GMDS: variants seen among roughly 807,000 people sequenced by gnomAD.
GMDS encodes GDP-mannose 4,6-dehydratase.
Under a neutral mutation model 49.9 loss-of-function variants are expected in GMDS, and 20 were observed. The observed-to-expected ratio is 0.40, with a 90% CI of 0.28 to 0.58. The LOEUF (loss-of-function observed/expected upper bound fraction) is 0.58. Among genes scored for constraint, GMDS ranks in the 20% least tolerant of loss-of-function variants. The probability of loss-of-function intolerance (pLI) is 0.42; values close to 1 mark genes in which losing one functional copy is unlikely to be tolerated. For synonymous variants in GMDS, 177 were observed against 178.6 expected (o/e 0.99, Z 0.07); for missense variants, 362 against 481.4 (o/e 0.75, Z 2.32).
rs990062466 is a variant in GMDS at position 1,770,222 on chromosome 6, C to T, written c.772-27636G>A. Among the ~76,000 whole-genome samples the T allele has an allele frequency of 4.6e-5, 7 of 152,244 alleles. No individual in the cohort carries two copies. In the South Asian group the frequency reaches 1.2e-3, roughly 27 times the overall value. On this transcript the variant is annotated intron_variant, in intron 7 of 10. Coordinates refer to ENST00000380815, the MANE Select transcript of GMDS (RefSeq NM_001500.4). ...CTGCACACATGTGTGAGCCAACACACGAACACATTTTTACCTACGACTTGA... is the reference window on the plus strand; with the variant it reads ...CTGCACACATGTGTGAGCCAACACATGAACACATTTTTACCTACGACTTGA...
In GMDS at chr6:1,630,374, G is replaced by A. The variant is rs527251766; in HGVS notation, c.988-5834C>T. 3.7e-3 allele frequency among the ~76,000 whole-genome samples: 557 copies of A among 152,336 alleles called. 6 individuals carry two copies. The highest frequency in any genetic ancestry group is 0.011 in the African/African-American group (477 of 41,586). Reference sequence around the variant, plus strand: ...GTTCCTTTCCCCAGACCAGGCGGTTGCCCTGGCTGTGTCCGCCTGCCCATT... The same window carrying A: ...GTTCCTTTCCCCAGACCAGGCGGTTACCCTGGCTGTGTCCGCCTGCCCATT... On this transcript the variant is annotated intron_variant, in intron 9 of 10. Coordinates refer to ENST00000380815, the MANE Select transcript of GMDS (RefSeq NM_001500.4).
At chr6:1,995,234 T>G (rs551783238) in intron 4 of GMDS, among the ~76,000 whole-genome samples, 1 of 152,052 alleles carries the variant, frequency 6.6e-6, no homozygotes, top group African/African-American at 2.4e-5. Context: ...TCGTTTACAG[T>G]GGGGTACAAG....
chr6:1,949,730 A>G (rs1763249734), intron 6 of GMDS, among the ~76,000 whole-genome samples: 1 of 152,202 alleles, frequency 6.6e-6, no homozygotes, highest in Non-Finnish European at 1.5e-5. Context: ...TTTGTGCCCC[A>G]ACCAGAAAGG....
chr6:2,100,091 C>G (rs1407512984), intron 4 of GMDS, among the ~76,000 whole-genome samples: 1 of 152,022 alleles, frequency 6.6e-6, no homozygotes, highest in Non-Finnish European at 1.5e-5. Context: ...GTGTCTTCCT[C>G]ACAGGTTTGT....
intron 7 of GMDS, among the ~76,000 whole-genome samples, chr6:1,757,013 C>A (rs1767976774): frequency 6.6e-6 from 1 of 152,064 alleles, no homozygotes; most frequent in Non-Finnish European, 1.5e-5. Context: ...GGAGGGGTTA[C>A]CGTAGCCATC....
chr6:2,160,128 C>G (rs1256564459), intron 1 of GMDS, among the ~76,000 whole-genome samples: 2 of 152,152 alleles, frequency 1.3e-5, no homozygotes. Context: ...ACATAAACTT[C>G]TCCCCCATTA....
At chr6:1,916,548 G>A (rs1359528023) in intron 7 of GMDS, among the ~76,000 whole-genome samples, 1 of 151,888 alleles carries the variant, frequency 6.6e-6, no homozygotes, top group Non-Finnish European at 1.5e-5. Flanking sequence ...GAAAGAGAGA[G>A]AGACGAAAAA....
At chr6:1,705,502 T>A (rs1305675531) in intron 9 of GMDS, among the ~76,000 whole-genome samples, 15 of 152,196 alleles carry the variant, frequency 9.9e-5, no homozygotes, top group Admixed American at 9.8e-4. Context: ...AACGTGAATA[T>A]TCCTTCAGCA....
In GMDS at chr6:2,091,455, C is replaced by T. The variant is rs148442828; in HGVS notation, c.345+24316G>A. On this transcript the variant is annotated intron_variant, in intron 4 of 10. Coordinates refer to ENST00000380815, the MANE Select transcript of GMDS (RefSeq NM_001500.4). ...GGACAATGGAACAGTTTGATACGGT[C>T]ACCAATACAGACTCATACTTTTAGT... 4.3e-3 allele frequency among the ~76,000 whole-genome samples: 660 copies of T among 152,272 alleles called. 9 individuals are homozygous for T. The highest frequency in any genetic ancestry group is 0.037 in the Middle Eastern group (11 of 294).
At chr6:1,670,480 G>T (rs1169256536) in intron 9 of GMDS, among the ~76,000 whole-genome samples, 1 of 151,160 alleles carries the variant, frequency 6.6e-6, no homozygotes, top group Non-Finnish European at 1.5e-5. Context: ...GAGGACTCAT[G>T]AACGGTAACT....
chr6:1,960,590 G>A (rs1257868602), intron 5 of GMDS, among the ~76,000 whole-genome samples, 184 bp downstream of exon 5: 1 of 152,160 alleles, frequency 6.6e-6, no homozygotes, highest in Non-Finnish European at 1.5e-5. Context: ...GCAAATACTT[G>A]TAGTTAGCAA....
chr6:1,785,523 C>T (rs1398310986), intron 7 of GMDS, among the ~76,000 whole-genome samples: 3 of 152,176 alleles, frequency 2.0e-5, no homozygotes, highest in Non-Finnish European at 4.4e-5. Context: ...CAGTGCTGAC[C>T]TCCAGGCCCT....
intron 7 of GMDS, among the ~76,000 whole-genome samples, chr6:1,756,605 T>C (rs1157479533): frequency 6.6e-6 from 1 of 152,148 alleles, no homozygotes. Flanking sequence ...TGATTCAGTG[T>C]GCAGGAACTC....
intron 4 of GMDS, among the ~76,000 whole-genome samples, chr6:1,993,371 C>T (rs994058695): frequency 6.6e-6 from 1 of 152,138 alleles, no homozygotes; most frequent in African/African-American, 2.4e-5. Context: ...ACATTATCAG[C>T]TGCAATAGAA....
At position 1,912,110 on chromosome 6, in the gene GMDS, A is replaced by C. The variant is rs552647766; in HGVS notation, c.771+17993T>G. Among the ~76,000 whole-genome samples the C allele has an allele frequency of 1.8e-3, 272 of 152,334 alleles. 1 individual carries two copies. Among genetic ancestry groups the C allele is most frequent in the African/African-American group, 6.2e-3 (259 of 41,578 alleles). ...GCTGGGCATGGTGGCTCACTTCTCCAATCCCAGCACTTTGGGAGGCTGAGG... is the reference window on the plus strand; with the variant it reads ...GCTGGGCATGGTGGCTCACTTCTCCCATCCCAGCACTTTGGGAGGCTGAGG... On this transcript the variant is annotated intron_variant, in intron 7 of 10. Coordinates refer to ENST00000380815, the MANE Select transcript of GMDS (RefSeq NM_001500.4).
chr6:1,764,090 C>T (rs3800043), intron 7 of GMDS, among the ~76,000 whole-genome samples: 49,963 of 150,498 alleles, frequency 0.33, 8,934 homozygotes, highest in Admixed American at 0.42. Context: ...AGTGAAGGAG[C>T]GAAGAAAAAA....
chr6:2,191,336 T>C lies in GMDS; in HGVS notation c.102+53985A>G, dbSNP rs113304929. ...ACGGGGGAGCTCACAGTGATGTCCCTGGACACCAGCCCAGGCCCAGCAAGG... is the reference window on the plus strand; with the variant it reads ...ACGGGGGAGCTCACAGTGATGTCCCCGGACACCAGCCCAGGCCCAGCAAGG... On this transcript the variant is annotated intron_variant, in intron 1 of 10. Transcript: ENST00000380815. This position sits in a 1 kb window ranked among gnomAD's most constrained non-coding sequence, Gnocchi z 4.6. 0.016 allele frequency among the ~76,000 whole-genome samples: 2,480 copies of C among 152,200 alleles called. 64 individuals are homozygous for C. The highest frequency in any genetic ancestry group is 0.056 in the African/African-American group (2,335 of 41,532).
intron 7 of GMDS, among the ~76,000 whole-genome samples, chr6:1,824,329 C>T (rs920018565): frequency 2.0e-5 from 3 of 152,178 alleles, no homozygotes; most frequent in African/African-American, 7.2e-5. Flanking sequence ...TGTGCACAAC[C>T]AGTGAATTCA....
chr6:1,798,182 T>G (rs1044022386), intron 7 of GMDS, among the ~76,000 whole-genome samples: 2 of 151,868 alleles, frequency 1.3e-5, no homozygotes, highest in African/African-American at 4.8e-5. Context: ...GTGACTGCAC[T>G]CTGAAGAACA....
Sources: gnomAD v4.1 joint callset for allele counts (sites outside exome capture counted in the v4.1 genomes callset) on GRCh38, gnomAD v4.1.1 for gene constraint, Gnocchi (gnomAD v3.1) non-coding constraint, MANE v1.5 for transcripts, NCBI Gene and HGNC (gene_info 2026-07-23, HGNC 2026-07-21) for gene names.